WDFY4: variants seen among roughly 807,000 people sequenced by gnomAD.
The protein encoded by WDFY4 is WDFY family member 4.
A neutral mutation model predicts 351.9 loss-of-function variants in WDFY4; 169 were observed. The ratio of observed to expected loss-of-function variants is 0.48; its 90% CI spans 0.42 to 0.55. WDFY4 has a LOEUF of 0.55. WDFY4 is among the 20% of genes least tolerant of loss of function. WDFY4 has a pLI of 0.00. For synonymous variants in WDFY4, 1,622 were observed against 1,574.6 expected (o/e 1.03, Z -0.71); for missense variants, 3,803 against 3,935.6 (o/e 0.97, Z 0.90).
intron 19 of WDFY4, among the ~76,000 whole-genome samples, chr10:48,786,114 T>C (rs1315866643): frequency 6.6e-6 from 1 of 152,196 alleles, no homozygotes; most frequent in East Asian, 1.9e-4. Context: ...TAAGTGGTAT[T>C]GTGTTTAATT....
rs1161106083 is a variant in WDFY4, at chr10:48,817,342, C to T, written c.5438C>T (p.Pro1813Leu). 8.4e-6 allele frequency: 13 copies of T among 1,551,670 alleles called. No homozygotes were observed. The highest frequency in any genetic ancestry group is 5.9e-5 in the Admixed American group (3 of 51,018). The change falls in exon 32 of 62, where the codon CCA becomes CTA. Residue 1813 changes from proline to leucine, a missense_variant. Physicochemically the swap from Pro to Leu is moderately conservative, Grantham distance 98. Coordinates refer to ENST00000325239, the MANE Select transcript of WDFY4 (RefSeq NM_001394531.1). ...GTCCACCGCACCTACCCCCAGGACC[C>T]AGCGTGGCGAGCCCCGGAGTTCCTC... Reference protein sequence around the residue: ...SLVHRTYPQDPAWRAPEFLQT... With the variant: ...SLVHRTYPQDLAWRAPEFLQT...
intron 20 of WDFY4, among the ~76,000 whole-genome samples, chr10:48,787,383 C>T (rs147513465): frequency 5.9e-5 from 9 of 152,226 alleles, no homozygotes; most frequent in Admixed American, 5.2e-4. Flanking sequence ...TGCTCTTGAG[C>T]ATTTCTGTCT....
chr10:48,699,105 G>C (rs568881897), intron 1 of WDFY4, among the ~76,000 whole-genome samples: 1 of 152,344 alleles, frequency 6.6e-6, no homozygotes, highest in South Asian at 2.1e-4. Flanking sequence ...CGCTCACCTG[G>C]TTTTTGCCCC....
intron 27 of WDFY4, 71 bp downstream of exon 27, chr10:48,806,166 G>T: frequency 6.8e-7 from 1 of 1,461,540 alleles, no homozygotes; most frequent in Admixed American, 2.0e-5. Flanking sequence ...CCCACATTGT[G>T]CAGAGGGAGG....
chr10:48,851,267 C>T (rs1319328403), intron 39 of WDFY4, among the ~76,000 whole-genome samples: 1 of 152,198 alleles, frequency 6.6e-6, no homozygotes, highest in Non-Finnish European at 1.5e-5. Context: ...TTTGTGCTGA[C>T]TGCATAGCAT....
At chr10:48,787,804 C>T (rs369542021) in intron 20 of WDFY4, among the ~76,000 whole-genome samples, 11 of 70,764 alleles carry the variant, frequency 1.6e-4, no homozygotes, top group East Asian at 1.1e-3. Flanking sequence ...CCTCCTCCTC[C>T]TCCTCTTCTT....
chr10:48,775,419 T>C (rs1304429475), intron 14 of WDFY4, among the ~76,000 whole-genome samples: 1 of 152,230 alleles, frequency 6.6e-6, no homozygotes, highest in Non-Finnish European at 1.5e-5. Flanking sequence ...CTGGTTATAG[T>C]GCTGCATGGG....
At chr10:48,733,078 GTC>G (rs1554987182) in intron 9 of WDFY4, among the ~76,000 whole-genome samples, 2 of 152,208 alleles carry the variant, frequency 1.3e-5, no homozygotes, top group Non-Finnish European at 2.9e-5. Flanking sequence ...TCTTTGCACC[GTC>G]TCTTTGTTTG....
At chr10:48,719,576 C>T (rs2064011943) in intron 2 of WDFY4, among the ~76,000 whole-genome samples, 1 of 152,144 alleles carries the variant, frequency 6.6e-6, no homozygotes, top group South Asian at 2.1e-4. Context: ...AATCAAATGA[C>T]TAAAACTGGG....
intron 40 of WDFY4, among the ~76,000 whole-genome samples, chr10:48,868,523 A>G (rs2069638455): frequency 6.6e-6 from 1 of 152,082 alleles, no homozygotes; most frequent in Non-Finnish European, 1.5e-5. Flanking sequence ...GCTGGCCTAT[A>G]TGTGTGTCAT....
chr10:48,802,256 G>C (rs2067111651), intron 24 of WDFY4, among the ~76,000 whole-genome samples: 1 of 152,158 alleles, frequency 6.6e-6, no homozygotes, highest in South Asian at 2.1e-4. Flanking sequence ...CAAACCTGTA[G>C]TTCTAACTAC....
intron 49 of WDFY4, among the ~76,000 whole-genome samples, chr10:48,944,002 C>G (rs184647849): frequency 7.7e-4 from 117 of 152,268 alleles, no homozygotes; most frequent in African/African-American, 2.6e-3. Flanking sequence ...CTAACATGAG[C>G]CCCAGGGGGC....
At chr10:48,851,446 A>G (rs993339289) in intron 39 of WDFY4, among the ~76,000 whole-genome samples, 3 of 152,222 alleles carry the variant, frequency 2.0e-5, no homozygotes, top group Admixed American at 1.3e-4. Flanking sequence ...TGAAATGGTA[A>G]TCACATGTCC....
At chr10:48,686,919 G>A (rs1323778699) in intron 1 of WDFY4, among the ~76,000 whole-genome samples, 6 of 152,038 alleles carry the variant, frequency 3.9e-5, no homozygotes, top group African/African-American at 7.3e-5. Flanking sequence ...TGTACATATC[G>A]TCAGCCTTAC....
intron 39 of WDFY4, among the ~76,000 whole-genome samples, chr10:48,838,249 G>T (rs1003263622): frequency 6.6e-6 from 1 of 152,180 alleles, no homozygotes; most frequent in Non-Finnish European, 1.5e-5. Context: ...TTTCTTGGGG[G>T]TCCCCTAAAG....
In WDFY4 at chr10:48,970,123, T is replaced by C; in HGVS notation, c.8770-8T>C. The C allele has an allele frequency of 6.4e-7, 1 of 1,551,262 alleles. No homozygotes were observed. The highest frequency in any genetic ancestry group is 1.2e-5 in the South Asian group (1 of 84,042). On this transcript the variant is annotated splice_region_variant and splice_polypyrimidine_tract_variant and intron_variant, in intron 56 of 61. Coordinates refer to ENST00000325239, the MANE Select transcript of WDFY4 (RefSeq NM_001394531.1). ...CACAGCAGCGCTCATCCCCCTTATC[T>C]CCTACAGGTCCTGATGACATTCGAG...
chr10:48,754,785 T>C (rs1388052146), intron 12 of WDFY4, among the ~76,000 whole-genome samples: 3 of 152,002 alleles, frequency 2.0e-5, no homozygotes, highest in Non-Finnish European at 4.4e-5. Context: ...TTTGAATAAA[T>C]TACGCCCAAG....
chr10:48,787,931 TTC>T (rs2066517633), intron 20 of WDFY4, among the ~76,000 whole-genome samples: 7 of 91,440 alleles, frequency 7.7e-5, no homozygotes, highest in African/African-American at 2.9e-4. Flanking sequence ...CTTCTTCTTC[TTC>T]TTCTTCTTCT....
chr10:48,775,581 C>T (rs2066004518), intron 14 of WDFY4, 131 bp from the exon 15 acceptor site: 1 of 823,166 alleles, frequency 1.2e-6, no homozygotes, highest in Non-Finnish European at 1.9e-6. Flanking sequence ...ACATTGCTTT[C>T]AGAAAGGGTG....
Sources: allele counts gnomAD v4.1 joint callset (sites outside exome capture counted in the v4.1 genomes callset), GRCh38; gene constraint gnomAD v4.1.1; transcripts MANE v1.5; gene names NCBI Gene and HGNC (gene_info 2026-07-23, HGNC 2026-07-21).